SCIN: variants seen among roughly 807,000 people sequenced by gnomAD.
The protein encoded by SCIN is scinderin.
A neutral mutation model predicts 91.8 loss-of-function variants in SCIN; 91 were observed. The ratio of observed to expected loss-of-function variants is 0.99; its 90% CI spans 0.84 to 1.18. SCIN has a LOEUF of 1.18. Ranked by LOEUF, SCIN falls within the 50% of genes most tolerant of loss-of-function variation. The pLI is 0.00. For synonymous variants in SCIN, 367 were observed against 312.6 expected, an observed-to-expected ratio of 1.17 and a Z score of -1.84; for missense variants, 1,087 against 863.9, an observed-to-expected ratio of 1.26 and a Z score of -3.24.
intron 2 of SCIN, among the ~76,000 whole-genome samples, chr7:12,579,885 G>A (rs1332773916): frequency 6.6e-6 from 1 of 152,180 alleles, no homozygotes; most frequent in Non-Finnish European, 1.5e-5. Flanking sequence ...TTGCTCTCCA[G>A]CCTGGGAGAC....
At chr7:12,624,139 A>G (rs149403285) in intron 5 of SCIN, among the ~76,000 whole-genome samples, 72 of 152,300 alleles carry the variant, frequency 4.7e-4, no homozygotes, top group African/African-American at 1.7e-3. Context: ...TCCTTTGAAA[A>G]TAATTCGGGT....
In SCIN at chr7:12,659,995, T is replaced by C. The variant is rs1784232001; in HGVS notation, c.*7280T>C. The stretch of plus-strand genomic sequence containing the variant: ...CCACCCTTAAGAAGGTTCTTTGTAA[T>C]TCTTCCCACCCTTGAGAATGTACTT... On this transcript the variant is annotated 3_prime_UTR_variant, in exon 16 of 16. Transcript: ENST00000297029. The C allele has an allele frequency of 6.6e-6, 1 of 152,382 alleles. No homozygotes were observed. Among genetic ancestry groups the C allele is most frequent in the Non-Finnish European group, 1.5e-5 (1 of 68,182 alleles). 9.4% of individuals were successfully genotyped at this position (152,382 alleles called of 1,614,324 possible). A position where few individuals can be genotyped will look rare whatever the true frequency, so the allele number is the denominator to read the frequency against.
chr7:12,606,318 C>T (rs1368121792), intron 4 of SCIN, among the ~76,000 whole-genome samples: 2 of 152,106 alleles, frequency 1.3e-5, no homozygotes, highest in East Asian at 1.9e-4. Flanking sequence ...CATATTCCTC[C>T]AGTAATTTTA....
At chr7:12,634,190 A>G (rs1783701958) in intron 9 of SCIN, among the ~76,000 whole-genome samples, 1 of 152,178 alleles carries the variant, frequency 6.6e-6, no homozygotes, top group African/African-American at 2.4e-5. Context: ...TTGGTGCAAA[A>G]GTAATTGTAG....
In SCIN at chr7:12,644,528, G is replaced by C. The variant is rs142281832; in HGVS notation, c.1760-56G>C. On this transcript the variant is annotated intron_variant, in intron 12 of 15. Coordinates refer to ENST00000297029, the MANE Select transcript of SCIN (RefSeq NM_001112706.3). ...GAGATAATATTTGTTCATATAAAGC[G>C]ACAGCAAGCATATGTCCCTGAAAAT... The C allele has an allele frequency of 7.5e-6, 12 of 1,590,088 alleles. No individual in the cohort carries two copies. The African/African-American group carries it at 1.5e-4, about 20-fold the overall frequency.
At position 12,654,476 on chromosome 7, in the gene SCIN, C is replaced by G. The variant is rs1250489064; in HGVS notation, c.*1761C>G. The G allele has an allele frequency of 6.6e-6, 1 of 151,898 alleles. No individual in the cohort carries two copies. The highest frequency in any genetic ancestry group is 1.5e-5 in the Non-Finnish European group (1 of 67,976). The allele number at this position is 151,898 out of a possible 1,614,324, so 9.4% of individuals were successfully genotyped here. A position where few individuals can be genotyped will look rare whatever the true frequency, so the allele number is the denominator to read the frequency against. On this transcript the variant is annotated 3_prime_UTR_variant, in exon 16 of 16. Coordinates refer to ENST00000297029, the MANE Select transcript of SCIN (RefSeq NM_001112706.3). The stretch of plus-strand genomic sequence containing the variant: ...AATATAGTGCTAGTCCTGCATGCAA[C>G]AAAAATGATGTAAGTAGACATTTAA...
intron 8 of SCIN, among the ~76,000 whole-genome samples, chr7:12,627,762 C>T (rs1336493517): frequency 6.6e-6 from 1 of 152,120 alleles, no homozygotes; most frequent in Non-Finnish European, 1.5e-5. Context: ...GACATTCCTG[C>T]CAGAGCTCAG....
intron 4 of SCIN, among the ~76,000 whole-genome samples, chr7:12,615,499 T>C (rs534326005): frequency 2.0e-5 from 3 of 152,278 alleles, no homozygotes; most frequent in African/African-American, 7.2e-5. Context: ...GTAAGTTTCT[T>C]GAGGCATCCC....
chr7:12,641,301 C>G (rs1783853458), intron 11 of SCIN, among the ~76,000 whole-genome samples: 1 of 152,134 alleles, frequency 6.6e-6, no homozygotes, highest in Non-Finnish European at 1.5e-5. Context: ...CCTGATTTCT[C>G]TACGACTGTC....
chr7:12,626,949 G>T, intron 8 of SCIN, 150 bp downstream of exon 8: 1 of 687,538 alleles, frequency 1.5e-6, no homozygotes, highest in Non-Finnish European at 2.4e-6. Context: ...AATTAGCCAG[G>T]TGTGATGGAG....
At chr7:12,634,510 G>A (rs1402468500) in intron 9 of SCIN, among the ~76,000 whole-genome samples, 4 of 151,910 alleles carry the variant, frequency 2.6e-5, no homozygotes, top group Non-Finnish European at 4.4e-5. Context: ...AAGTAATTGC[G>A]GCTTTTGCCA....
intron 1 of SCIN, chr7:12,577,461 T>A (rs542152108): frequency 2.1e-4 from 93 of 449,732 alleles, no homozygotes; most frequent in African/African-American, 1.8e-3. Context: ...AATTAATGCT[T>A]ACTTAAATCT....
chr7:12,627,005 G>A (rs562511496), intron 8 of SCIN, among the ~76,000 whole-genome samples: 4 of 152,112 alleles, frequency 2.6e-5, no homozygotes, highest in East Asian at 3.9e-4. Context: ...CATGAGAATC[G>A]CGTGAGCCTG....
intron 4 of SCIN, among the ~76,000 whole-genome samples, chr7:12,622,348 G>A (rs1342145316): frequency 6.6e-6 from 1 of 152,078 alleles, no homozygotes; most frequent in Admixed American, 6.6e-5. Context: ...CATCCTATAT[G>A]TCAATAATTA....
chr7:12,582,510 C>A (rs1782507968), intron 3 of SCIN, among the ~76,000 whole-genome samples: 1 of 152,068 alleles, frequency 6.6e-6, no homozygotes, highest in African/African-American at 2.4e-5. Flanking sequence ...TGGATCATAC[C>A]AGCTTGTGTG....
chr7:12,579,278 C>G (rs539864633), intron 2 of SCIN, among the ~76,000 whole-genome samples: 1 of 152,218 alleles, frequency 6.6e-6, no homozygotes, highest in East Asian at 1.9e-4. Context: ...ATTATAGGTT[C>G]TCTTATGTCT....
At chr7:12,571,674 G>T in intron 1 of SCIN, 1 of 413,360 alleles carries the variant, frequency 2.4e-6, no homozygotes. Context: ...AGCTCTATAT[G>T]GGTATTTCAT....
chr7:12,581,191 G>T lies in SCIN; in HGVS notation c.486G>T (p.Lys162Asn). The part of the protein sequence containing the change: ...EVPLSWDSFN[K>N]GDCFIIDLGT... The stretch of plus-strand genomic sequence containing the variant: ...CCCTTAGCTGGGACAGTTTCAACAA[G>T]GGTGACTGCTTCATCATTGACCTTG... The change falls in exon 3 of 16, where the codon AAG (lysine) becomes AAT (asparagine). Residue 162 changes from lysine to asparagine, a missense_variant. By Grantham distance (94) the Lys-to-Asn change is moderately conservative. Transcript: ENST00000297029. 6.4e-7 allele frequency: 1 copy of T among 1,551,426 alleles called. No individual in the cohort carries two copies. The highest frequency in any genetic ancestry group is 8.7e-7 in the Non-Finnish European group (1 of 1,146,776).
At chr7:12,590,730 C>T (rs1300632717) in intron 3 of SCIN, among the ~76,000 whole-genome samples, 1 of 151,808 alleles carries the variant, frequency 6.6e-6, no homozygotes, top group Admixed American at 6.6e-5. Flanking sequence ...TGAACCTGTT[C>T]GATGTCCTCA....
Sources: allele counts gnomAD v4.1 joint callset (sites outside exome capture counted in the v4.1 genomes callset), GRCh38; gene constraint gnomAD v4.1.1; transcripts MANE v1.5; gene names NCBI Gene and HGNC (gene_info 2026-07-23, HGNC 2026-07-21).